HP1BP3: variants seen among roughly 807,000 people sequenced by gnomAD.
HP1BP3 encodes the protein heterochromatin protein 1-binding protein 3.
A neutral mutation model predicts 62.5 loss-of-function variants in HP1BP3; 12 were observed. That is an observed-to-expected ratio of 0.19 (90% confidence interval 0.12 to 0.31). The LOEUF (loss-of-function observed/expected upper bound fraction) is 0.31, where lower values mean the gene tolerates loss of function less well. HP1BP3 is among the 10% of genes least tolerant of loss of function. The pLI, the probability that HP1BP3 is intolerant of heterozygous loss-of-function variation, is 1.00. For synonymous variants in HP1BP3, 260 were observed against 237.8 expected (o/e 1.09, Z -0.86); for missense variants, 502 against 651.8 (o/e 0.77, Z 2.50).
rs1007523284 is a variant in HP1BP3 at position 20,741,029 on chromosome 1, T to C, written c.*3768A>G. On this transcript the variant is annotated 3_prime_UTR_variant, in exon 13 of 13. Coordinates refer to ENST00000438032, the MANE Select transcript of HP1BP3 (RefSeq NM_001372052.1). Reference sequence around the variant, plus strand: ...GTGACCATCTGTTCCACCATGAAAATGCAAAAGCAAAATCTACATGCTAGA... The same window carrying C: ...GTGACCATCTGTTCCACCATGAAAACGCAAAAGCAAAATCTACATGCTAGA... 1.3e-5 allele frequency among the ~76,000 whole-genome samples: 2 copies of C among 152,154 alleles called. No individual in the cohort carries two copies. The highest frequency in any genetic ancestry group is 6.5e-5 in the Admixed American group (1 of 15,272).
In HP1BP3 at chr1:20,744,881, C is replaced by A; in HGVS notation, c.1578G>T (p.Lys526Asn). ...CTTCCTTTCTTGCACTGGTTGCAGG[C>A]TTCTTTGAGGAGCCACCACTAGGTT... ...IKKPSGGSSKKPATSARKEVK... is the reference protein window; with the variant it reads ...IKKPSGGSSKNPATSARKEVK... Residue 526 changes from lysine to asparagine, a missense_variant, in exon 13 of 13, where the codon AAG (lysine) becomes AAT (asparagine). Around this residue, in one of 5 missense-constraint regions of HP1BP3, gnomAD observed 194 missense variants for 207.0 expected, o/e 0.94. Coordinates refer to ENST00000438032, the MANE Select transcript of HP1BP3 (RefSeq NM_001372052.1). The A allele has an allele frequency of 6.2e-7, 1 of 1,614,196 alleles. No individual in the cohort carries two copies. Among genetic ancestry groups the A allele is most frequent in the Non-Finnish European group, 8.5e-7 (1 of 1,180,036 alleles).
intron 1 of HP1BP3, among the ~76,000 whole-genome samples, chr1:20,784,476 CTTT>C (rs368306686): frequency 6.4e-5 from 8 of 124,530 alleles, no homozygotes; most frequent in Admixed American, 2.5e-4. Flanking sequence ...TGTGTTTTCC[CTTT>C]TTTTTTTTTT....
chr1:20,763,325 C>T (rs1364931790), intron 8 of HP1BP3, among the ~76,000 whole-genome samples: 1 of 152,188 alleles, frequency 6.6e-6, no homozygotes, highest in Admixed American at 6.5e-5. Context: ...CTGCCTACTA[C>T]CACTATACTC....
Position 20,747,658 on chromosome 1 carries a change from G to T in HP1BP3, c.1142-3C>A. On this transcript the variant is annotated splice_polypyrimidine_tract_variant and splice_region_variant and intron_variant, in intron 10 of 12. Transcript: ENST00000438032. Reference sequence around the variant, plus strand: ...CAGGGTTTTTTTCAGCAAATGCACTGAAAAAAAAAATTCAGAAATGAAAGT... The same window carrying T: ...CAGGGTTTTTTTCAGCAAATGCACTTAAAAAAAAAATTCAGAAATGAAAGT... The T allele has an allele frequency of 1.3e-6, 2 of 1,506,592 alleles. No homozygotes were observed. The highest frequency in any genetic ancestry group is 1.2e-5 in the South Asian group (1 of 82,952). The allele number at this position is 1,506,592 out of a possible 1,614,324, so 93.3% of individuals were successfully genotyped here.
Position 20,778,785 on chromosome 1 carries a change from CT to C in HP1BP3, c.196+1026del, listed in dbSNP as rs869066619. 3.7e-3 allele frequency among the ~76,000 whole-genome samples: 522 copies of C among 142,896 alleles called. 4 individuals carry two copies. The highest frequency in any genetic ancestry group is 7.4e-3 in the African/African-American group (292 of 39,314). The allele number at this position is 142,896 out of a possible 152,430, so 93.7% of individuals were successfully genotyped here. On this transcript the variant is annotated intron_variant, in intron 3 of 12. Transcript: ENST00000438032. Reference sequence around the variant, plus strand: ...AAGGATGCATGTATTTTCTACTCCTCTTTTTTTTTTTTTTCTTTTTTTTGGA... The same window carrying C: ...AAGGATGCATGTATTTTCTACTCCTCTTTTTTTTTTTTTCTTTTTTTTGGA...
chr1:20,756,698 C>T (rs1345232573), intron 9 of HP1BP3, among the ~76,000 whole-genome samples: 1 of 151,930 alleles, frequency 6.6e-6, no homozygotes, highest in Non-Finnish European at 1.5e-5. Flanking sequence ...TAAATTTTTC[C>T]TCAGTGTTAA....
At chr1:20,771,476 A>C (rs1300682930) in intron 5 of HP1BP3, among the ~76,000 whole-genome samples, 1 of 152,214 alleles carries the variant, frequency 6.6e-6, no homozygotes, top group African/African-American at 2.4e-5. Flanking sequence ...GCATGCCAGG[A>C]CATTTCCCTG....
At chr1:20,771,718 TA>T (rs2057068985) in intron 5 of HP1BP3, among the ~76,000 whole-genome samples, 1 of 152,204 alleles carries the variant, frequency 6.6e-6, no homozygotes, top group South Asian at 2.1e-4. Flanking sequence ...AGGCAGCAAA[TA>T]CTTAATTTTT....
In HP1BP3 at chr1:20,766,316, A is replaced by G. The variant is rs185763996; in HGVS notation, c.736-785T>C. ...CAAAACACACACACAAAAAACACAC[A>G]TAAAAGTAAAAAGGAGTGTAGATTT... On this transcript the variant is annotated intron_variant, in intron 7 of 12. Transcript: ENST00000438032. 2.0e-5 allele frequency among the ~76,000 whole-genome samples: 3 copies of G among 152,278 alleles called. No homozygotes were observed. In the East Asian group the frequency reaches 5.8e-4, roughly 29 times the overall value.
At chr1:20,749,550 G>A (rs1308702723) in intron 10 of HP1BP3, among the ~76,000 whole-genome samples, 173 bp downstream of exon 10, 1 of 151,756 alleles carries the variant, frequency 6.6e-6, no homozygotes, top group African/African-American at 2.4e-5. Context: ...TAGTAGAGAT[G>A]GGGTTTCACT....
At chr1:20,772,429 A>C (rs1188395073) in intron 5 of HP1BP3, among the ~76,000 whole-genome samples, 2 of 152,208 alleles carry the variant, frequency 1.3e-5, no homozygotes, top group Non-Finnish European at 2.9e-5. Context: ...ATCAAGTGAA[A>C]TCCTTGAAGA....
In HP1BP3 at chr1:20,740,577, T is replaced by G. The variant is rs564190236; in HGVS notation, c.*4220A>C. Among the ~76,000 whole-genome samples, 1 of 152,298 alleles carries G rather than the reference T, an allele frequency of 6.6e-6. No homozygotes were observed. Among genetic ancestry groups the G allele is most frequent in the Non-Finnish European group, 1.5e-5 (1 of 68,022 alleles). On this transcript the variant is annotated 3_prime_UTR_variant, in exon 13 of 13. Coordinates refer to ENST00000438032, the MANE Select transcript of HP1BP3 (RefSeq NM_001372052.1). ...GACTCACGCCTGTAATCCTGGCACTTTGGAAAGCCCAGGTGGGAAGATCAC... is the reference window on the plus strand; with the variant it reads ...GACTCACGCCTGTAATCCTGGCACTGTGGAAAGCCCAGGTGGGAAGATCAC...
intron 11 of HP1BP3, 119 bp from the exon 12 acceptor site, chr1:20,745,775 A>G: frequency 1.0e-6 from 1 of 996,644 alleles, no homozygotes; most frequent in Non-Finnish European, 1.5e-6. Context: ...CAAAAATGTC[A>G]AGCTAGGTTA....
rs1440268474 is a variant in HP1BP3, at chr1:20,765,528, T to C, written c.739A>G (p.Arg247Gly). Residue 247 changes from arginine (R) to glycine (G), a missense_variant, in exon 8 of 13, where the codon AGG becomes GGG. By Grantham distance (125) the Arg-to-Gly change is moderately radical (BLOSUM62 -2). Around this residue, in one of 5 missense-constraint regions of HP1BP3, gnomAD observed 111 missense variants for 242.0 expected, o/e 0.46. Transcript: ENST00000438032. ...TPQKSRNRKNRSSAVDPEPQV... is the reference protein window; with the variant it reads ...TPQKSRNRKNGSSAVDPEPQV... ...GGTTCTGGATCCACTGCAGAGCTCC[T>C]ATTCTGAAAAGTAATTATCAAAAAT... 4 of 1,610,270 alleles carry C rather than the reference T, an allele frequency of 2.5e-6. No individual in the cohort carries two copies. In the African/African-American group the frequency reaches 5.4e-5, roughly 22 times the overall value.
intron 10 of HP1BP3, among the ~76,000 whole-genome samples, chr1:20,748,617 A>G (rs959687735): frequency 6.6e-6 from 1 of 152,130 alleles, no homozygotes; most frequent in Non-Finnish European, 1.5e-5. Context: ...AAAATTAGCC[A>G]GGGGTGGTGG....
At chr1:20,745,505 T>C (rs2055260049) in intron 12 of HP1BP3, 38 bp downstream of exon 12, 5 of 1,606,070 alleles carry the variant, frequency 3.1e-6, no homozygotes, top group Middle Eastern at 1.7e-4. Context: ...CTGAGGTATT[T>C]AGTGTCCTCC....
chr1:20,763,558 G>A (rs2056603902), intron 8 of HP1BP3, among the ~76,000 whole-genome samples: 1 of 152,128 alleles, frequency 6.6e-6, no homozygotes, highest in Non-Finnish European at 1.5e-5. Flanking sequence ...GGGACAATGT[G>A]CATTCAATAT....
At chr1:20,745,149 G>T in intron 12 of HP1BP3, 58 bp from the exon 13 acceptor site, 33 of 1,520,952 alleles carry the variant, frequency 2.2e-5, no homozygotes, top group Non-Finnish European at 2.9e-5. Flanking sequence ...CGTTTTGTTG[G>T]GACAACCAGA....
chr1:20,762,556 A>C (rs1282717889), intron 8 of HP1BP3, among the ~76,000 whole-genome samples: 1 of 152,168 alleles, frequency 6.6e-6, no homozygotes, highest in Non-Finnish European at 1.5e-5. Context: ...GACAAACGAC[A>C]GACAGAACTT....
Sources: gnomAD v4.1 joint callset for allele counts (sites outside exome capture counted in the v4.1 genomes callset) on GRCh38, gnomAD v4.1.1 for gene constraint, gnomAD v4.1.1 regional missense constraint, MANE v1.5 for transcripts, NCBI Gene and HGNC (gene_info 2026-07-23, HGNC 2026-07-21) for gene names.